COL4A6: variants seen among roughly 807,000 people sequenced by gnomAD.
The protein encoded by COL4A6 is collagen type IV alpha 6 chain, also known as collagen alpha-6(IV) chain.
Under a neutral mutation model 126.7 loss-of-function variants are expected in COL4A6, and 59 were observed. That is an observed-to-expected ratio of 0.47 (90% CI 0.38 to 0.58). The LOEUF (loss-of-function observed/expected upper bound fraction) is 0.58, where lower values mean the gene tolerates loss of function less well. COL4A6 is among the 20% of genes least tolerant of loss of function. COL4A6 has a pLI of 0.00. For synonymous variants in COL4A6, 547 were observed against 496.6 expected (o/e 1.10, Z -1.35); for missense variants, 1,285 against 1,337.3 (o/e 0.96, Z 0.61).
intron 39 of COL4A6, 28 bp downstream of exon 39, chrX:108,164,849 G>C (rs771079240): frequency 8.4e-7 from 1 of 1,189,924 alleles, no homozygotes; most frequent in African/African-American, 1.8e-5. Flanking sequence ...AGTGGGGAAG[G>C]GCCCAGCAGC....
At chrX:108,432,312 A>G (rs2064187325) in intron 2 of COL4A6, among the ~76,000 whole-genome samples, 1 of 112,429 alleles carries the variant, frequency 8.9e-6, no homozygotes, top group South Asian at 3.7e-4. Flanking sequence ...ATTATTGTCT[A>G]TTTTATTATG....
intron 3 of COL4A6, among the ~76,000 whole-genome samples, chrX:108,242,443 C>T (rs183841038): frequency 3.7e-3 from 410 of 111,419 alleles, no homozygotes; most frequent in Non-Finnish European, 5.0e-3. Context: ...GAAACACCAC[C>T]GCACAATTAA....
chrX:108,210,833 T>C (rs2035681341), intron 7 of COL4A6, among the ~76,000 whole-genome samples: 1 of 111,743 alleles, frequency 8.9e-6, no homozygotes, highest in East Asian at 2.8e-4. Context: ...ATGGCATCTA[T>C]AGTTAGAAGC....
intron 3 of COL4A6, among the ~76,000 whole-genome samples, chrX:108,241,550 A>AATATAT (rs764751621): frequency 1.7e-3 from 160 of 96,767 alleles, no homozygotes; most frequent in African/African-American, 2.6e-3. Context: ...TATAATAGTA[A>AATATAT]ATATATATAT....
chrX:108,283,172 A>T (rs1189012925), intron 3 of COL4A6, among the ~76,000 whole-genome samples: 4 of 110,973 alleles, frequency 3.6e-5, no homozygotes, highest in Admixed American at 9.6e-5. Flanking sequence ...ATAAAAAAAT[A>T]AAAAAAAGAA....
chrX:108,391,311 A>G (rs1211409623), intron 2 of COL4A6, among the ~76,000 whole-genome samples: 1 of 111,755 alleles, frequency 8.9e-6, no homozygotes, highest in African/African-American at 3.3e-5. Context: ...CCCTTCCCCC[A>G]GGTGCTCTGT....
intron 2 of COL4A6, among the ~76,000 whole-genome samples, chrX:108,343,165 AGTGTGTGTGTGTGTGT>A (rs55685604): frequency 3.2e-5 from 1 of 31,414 alleles, no homozygotes; most frequent in African/African-American, 9.1e-5. Flanking sequence ...ATATATATAT[AGTGTGTGTGTGTGTGT>A]GTGTGTGTGT....
chrX:108,340,498 C>CA (rs2039535418), intron 2 of COL4A6, among the ~76,000 whole-genome samples: 1 of 108,654 alleles, frequency 9.2e-6, no homozygotes, highest in Non-Finnish European at 1.9e-5. Context: ...TCTGTTACCC[C>CA]AAAAATGTAA....
In COL4A6 at chrX:108,169,456, G is replaced by T. The variant is rs377612502; in HGVS notation, c.3691+39C>A. The T allele has an allele frequency of 8.3e-6, 10 of 1,204,943 alleles. No individual in the cohort carries two copies. In the African/African-American group the frequency reaches 1.7e-4, roughly 21 times the overall value. On this transcript the variant is annotated intron_variant, in intron 37 of 44. Transcript: ENST00000334504. The stretch of plus-strand genomic sequence containing the variant: ...ACCCTAAACCTGACTCTCCCAGCAA[G>T]GCCTCACTCAGCCTCTACAAGGCCT...
In COL4A6 at chrX:108,254,321, A is replaced by T. The variant is rs1041465753; in HGVS notation, c.145-32947T>A. On this transcript the variant is annotated intron_variant, in intron 3 of 44. Transcript: ENST00000334504. ...AAACATTCCAGATAGCAAAGGTTCT[A>T]GCCTATCAGGATTTTACTGAGCATG... is the stretch of plus-strand genomic sequence containing the variant. 7.2e-5 allele frequency among the ~76,000 whole-genome samples: 8 copies of T among 110,761 alleles called. No homozygotes were observed. The Admixed American group carries it at 7.7e-4, about 11-fold the overall frequency.
chrX:108,162,944 G>A lies in COL4A6; in HGVS notation c.4164C>T (p.Gly1388=). Reference sequence around the variant, plus strand: ...CAGGGTCCCCAGTGAGGCCAGGGATGCCATCGATCCCTGGTAGACCCAAGG... The same window carrying A: ...CAGGGTCCCCAGTGAGGCCAGGGATACCATCGATCCCTGGTAGACCCAAGG... The part of the protein sequence containing the change: ...PGPLGLPGID[G]IPGLTGDPGA... Residue 1388 remains glycine, a synonymous_variant, in exon 41 of 45, where the codon GGC becomes GGT. Transcript: ENST00000334504. The A allele has an allele frequency of 8.3e-7, 1 of 1,202,805 alleles. No individual in the cohort carries two copies. Among genetic ancestry groups the A allele is most frequent in the Non-Finnish European group, 1.1e-6 (1 of 891,158 alleles).
chrX:108,169,194 C>T (rs1414322389), intron 37 of COL4A6, among the ~76,000 whole-genome samples: 1 of 111,591 alleles, frequency 9.0e-6, no homozygotes, highest in African/African-American at 3.3e-5. Flanking sequence ...CCCTCAGGAC[C>T]AATAATTGCA....
chrX:108,285,972 G>T (rs1207167528), intron 3 of COL4A6, among the ~76,000 whole-genome samples: 1 of 111,816 alleles, frequency 8.9e-6, no homozygotes, highest in Admixed American at 9.5e-5. Flanking sequence ...GTGTTCTAAA[G>T]AATGCAGTGT....
At chrX:108,216,676 A>AG (rs2035864824) in intron 5 of COL4A6, among the ~76,000 whole-genome samples, 1 of 112,510 alleles carries the variant, frequency 8.9e-6, no homozygotes, top group African/African-American at 3.2e-5. Flanking sequence ...TAGCTCTTTG[A>AG]GGGGGGAAAC....
chrX:108,161,517 G>A lies in COL4A6; in HGVS notation c.4333+102C>T. ...TAGGAGTGTCAAGCTCTACCACTGG[G>A]TTTATTAAGTTTCAGACTTGAAGTT... is the stretch of plus-strand genomic sequence containing the variant. On this transcript the variant is annotated intron_variant, in intron 42 of 44. Coordinates refer to ENST00000334504, the MANE Select transcript of COL4A6 (RefSeq NM_033641.4). 7.6e-6 allele frequency: 4 copies of A among 525,215 alleles called. No individual in the cohort carries two copies. In the South Asian group the frequency reaches 1.2e-4, roughly 16 times the overall value. The allele number at this position is 525,215 out of a possible 1,213,427, so 43.3% of individuals were successfully genotyped here.
chrX:108,377,527 T>C (rs2040464973), intron 2 of COL4A6, among the ~76,000 whole-genome samples: 1 of 109,753 alleles, frequency 9.1e-6, no homozygotes, highest in Non-Finnish European at 1.9e-5. Context: ...AATGGATGTT[T>C]CAACTTTCTC....
At chrX:108,333,012 G>T (rs1042846219) in intron 2 of COL4A6, among the ~76,000 whole-genome samples, 1 of 110,884 alleles carries the variant, frequency 9.0e-6, no homozygotes, top group Non-Finnish European at 1.9e-5. Flanking sequence ...AGGATATGGT[G>T]ATAGATATGG....
rs774116992 is a variant in COL4A6 at position 108,245,060 on chromosome X, A to G, written c.145-23686T>C. Among the ~76,000 whole-genome samples the G allele has an allele frequency of 5.3e-5, 6 of 112,599 alleles. No individual in the cohort carries two copies. In the East Asian group the frequency reaches 1.7e-3, roughly 32 times the overall value. ...CTGGTGAGAGAAGTTTGCTGGGGGT[A>G]AAATCACAGAGGAAAACACTTCATC... On this transcript the variant is annotated intron_variant, in intron 3 of 44. Transcript: ENST00000334504.
intron 2 of COL4A6, among the ~76,000 whole-genome samples, chrX:108,382,962 A>AAT (rs2040591687): frequency 6.8e-5 from 6 of 88,304 alleles, no homozygotes; most frequent in Non-Finnish European, 1.1e-4. Flanking sequence ...CCCCCGCCAA[A>AAT]AATAATAATA....
Sources: allele counts gnomAD v4.1 joint callset (sites outside exome capture counted in the v4.1 genomes callset), GRCh38; gene constraint gnomAD v4.1.1; transcripts MANE v1.5; gene names NCBI Gene and HGNC (gene_info 2026-07-23, HGNC 2026-07-21).